The following JADE2 variants were observed in gnomAD, a reference collection of about 807,000 sequenced individuals.
The protein encoded by JADE2 is E3 ubiquitin-protein ligase Jade-2.
A neutral mutation model predicts 85.7 loss-of-function variants in JADE2; 13 were observed. The ratio of observed to expected loss-of-function variants is 0.15; its 90% CI spans 0.10 to 0.24. JADE2 has a LOEUF of 0.24. JADE2 is among the 10% of genes least tolerant of loss of function. JADE2 has a pLI of 1.00. For missense variants in JADE2, 846 were observed against 1,115.9 expected, an observed-to-expected ratio of 0.76 and a Z score of 3.45; for synonymous variants, 440 against 456.1, an observed-to-expected ratio of 0.96 and a Z score of 0.45.
At chr5:134,563,311 G>GT (rs1319717910) in intron 7 of JADE2, among the ~76,000 whole-genome samples, 1 of 142,534 alleles carries the variant, frequency 7.0e-6, no homozygotes, top group Non-Finnish European at 1.6e-5. Context: ...GAATGAGACT[G>GT]TTTAAAAAAA....
upstream of JADE2, among the ~76,000 whole-genome samples, chr5:134,525,405 C>T (rs961297803): frequency 6.6e-6 from 1 of 151,638 alleles, no homozygotes; most frequent in Admixed American, 6.6e-5. Context: ...AGGGTGCCAG[C>T]AGGCGTGGTG....
At chr5:134,556,285 G>A (rs1762908688) in intron 4 of JADE2, among the ~76,000 whole-genome samples, 1 of 152,214 alleles carries the variant, frequency 6.6e-6, no homozygotes, top group East Asian at 1.9e-4. Flanking sequence ...GGGAAGAGCT[G>A]GCTTTTTGAA....
chr5:134,557,268 A>AT (rs59125974), intron 4 of JADE2, among the ~76,000 whole-genome samples: 3 of 137,930 alleles, frequency 2.2e-5, no homozygotes, highest in African/African-American at 8.1e-5. Context: ...TTATTTTTTT[A>AT]TTTTTTTTTT....
intron 1 of JADE2, chr5:134,526,859 C>A: frequency 1.3e-6 from 1 of 742,056 alleles, no homozygotes; most frequent in Non-Finnish European, 1.6e-6. Flanking sequence ...TGGGGAGAGG[C>A]GCTGGGAGAG....
chr5:134,567,072 G>A (rs1005781797), intron 9 of JADE2, among the ~76,000 whole-genome samples: 3 of 152,244 alleles, frequency 2.0e-5, no homozygotes, highest in East Asian at 1.9e-4. Context: ...AAACAGGCAC[G>A]TGCCGGGCCA....
intron 1 of JADE2, among the ~76,000 whole-genome samples, chr5:134,530,903 G>A (rs1761191456): frequency 6.6e-6 from 1 of 152,196 alleles, no homozygotes; most frequent in Admixed American, 6.5e-5. Flanking sequence ...TCTTGGGGGA[G>A]GGAGCGAGAG....
At chr5:134,534,284 A>T (rs1483311257) in intron 1 of JADE2, among the ~76,000 whole-genome samples, 1 of 151,782 alleles carries the variant, frequency 6.6e-6, no homozygotes, top group African/African-American at 2.4e-5. Flanking sequence ...GTCCCTGTGG[A>T]CCCTGTGGAA....
intron 10 of JADE2, chr5:134,575,822 T>A (rs1461860442): frequency 6.6e-6 from 1 of 151,898 alleles, no homozygotes; most frequent in Non-Finnish European, 1.5e-5. Context: ...AGCCCAGTAG[T>A]TTGAGGCTGC....
At chr5:134,537,476 G>GGT in intron 2 of JADE2, among the ~76,000 whole-genome samples, 1 of 152,114 alleles carries the variant, frequency 6.6e-6, no homozygotes, top group East Asian at 1.9e-4. Context: ...AACAAACTAA[G>GGT]GCTCAGCAAG....
intron 1 of JADE2, among the ~76,000 whole-genome samples, chr5:134,528,415 C>T (rs544869424): frequency 2.6e-5 from 4 of 152,018 alleles, no homozygotes; most frequent in Non-Finnish European, 4.4e-5. Context: ...ACTCGCAGAG[C>T]CATCTAACAA....
At chr5:134,534,386 A>T (rs1761451831) in intron 1 of JADE2, among the ~76,000 whole-genome samples, 1 of 152,156 alleles carries the variant, frequency 6.6e-6, no homozygotes, top group African/African-American at 2.4e-5. Flanking sequence ...TTGGAACCTC[A>T]GCCTCTGGAG....
At chr5:134,543,790 T>C (rs1762124589) in intron 3 of JADE2, among the ~76,000 whole-genome samples, 1 of 152,140 alleles carries the variant, frequency 6.6e-6, no homozygotes, top group Non-Finnish European at 1.5e-5. Context: ...TCTTTGAGTA[T>C]TTTTGAGGGG....
At chr5:134,529,363 C>A (rs1561720604) in intron 1 of JADE2, among the ~76,000 whole-genome samples, 1 of 152,158 alleles carries the variant, frequency 6.6e-6, no homozygotes. Flanking sequence ...ATCTAGAATA[C>A]CCATACCCTG....
At chr5:134,547,828 G>A (rs555032255) in intron 3 of JADE2, among the ~76,000 whole-genome samples, 1 of 152,344 alleles carries the variant, frequency 6.6e-6, no homozygotes, top group East Asian at 1.9e-4. Flanking sequence ...CTGGGCTCCA[G>A]CCCTGCGGCT....
Position 134,560,968 on chromosome 5 carries a change from C to T in JADE2, c.684+11C>T. The T allele has an allele frequency of 1.9e-6, 3 of 1,605,892 alleles. No homozygotes were observed. The highest frequency in any genetic ancestry group is 2.6e-6 in the Non-Finnish European group (3 of 1,174,470). On this transcript the variant is annotated intron_variant, in intron 6 of 11. Coordinates refer to ENST00000681547, the MANE Select transcript of JADE2 (RefSeq NM_001388185.1). Reference sequence around the variant, plus strand: ...GTCTGTGTGCATCAGGTGGGCAGACCCCCCAGTCACCCTCACCTGTGCCAT... The same window carrying T: ...GTCTGTGTGCATCAGGTGGGCAGACTCCCCAGTCACCCTCACCTGTGCCAT...
chr5:134,526,509 TTTG>T, intron 1 of JADE2: 2 of 985,138 alleles, frequency 2.0e-6, no homozygotes, highest in South Asian at 9.4e-5. Context: ...CGAGTTTCAT[TTTG>T]TTGATACGCA....
intron 10 of JADE2, chr5:134,574,860 G>C (rs1764261010): frequency 6.6e-6 from 1 of 152,316 alleles, no homozygotes; most frequent in African/African-American, 2.4e-5. Flanking sequence ...TGGAGAGAGA[G>C]AGGAATGTGG....
chr5:134,557,277 TTTA>T (rs201857292), intron 4 of JADE2, among the ~76,000 whole-genome samples: 30 of 89,426 alleles, frequency 3.4e-4, no homozygotes, highest in East Asian at 2.9e-3. Flanking sequence ...TATTTTTTTT[TTTA>T]TTTTTTTTTT....
At chr5:134,538,146 TG>T in intron 3 of JADE2, 63 bp downstream of exon 3, 2 of 1,328,524 alleles carry the variant, frequency 1.5e-6, no homozygotes, top group East Asian at 4.6e-5. Context: ...CTGCGGAGAC[TG>T]GGGCAGAGCA....
Sources: allele counts gnomAD v4.1 joint callset (sites outside exome capture counted in the v4.1 genomes callset), GRCh38; gene constraint gnomAD v4.1.1; transcripts MANE v1.5; gene names NCBI Gene and HGNC (gene_info 2026-07-23, HGNC 2026-07-21).